The following LUZP2 variants were observed in gnomAD, a reference collection of about 807,000 sequenced individuals.
LUZP2 encodes leucine zipper protein 2.
In LUZP2, 52 loss-of-function variants were observed where a neutral mutation model predicts 51.6. The observed-to-expected ratio is 1.01, with a 90% confidence interval of 0.81 to 1.27. The LOEUF (loss-of-function observed/expected upper bound fraction) is 1.27. Ranked by LOEUF, LUZP2 falls within the 50% of genes most tolerant of loss-of-function variation. The probability of loss-of-function intolerance (pLI) is 0.00; values close to 1 mark genes in which losing one functional copy is unlikely to be tolerated. For missense variants in LUZP2, 436 were observed against 395.4 expected (o/e 1.10, Z -0.87); for synonymous variants, 154 against 137.3 (o/e 1.12, Z -0.85).
Position 24,597,266 on chromosome 11 carries a change from A to G in LUZP2, c.62+99961A>G, listed in dbSNP as rs192325538. Among the ~76,000 whole-genome samples the G allele has an allele frequency of 1.4e-3, 207 of 152,352 alleles. 1 individual carries two copies. In the Middle Eastern group the frequency reaches 0.02, roughly 15 times the overall value. ...CATTTGTCTTAACAGTTTATCCAGT[A>G]AACTGTTCATATGTGCATTTGACTT... On this transcript the variant is annotated intron_variant, in intron 1 of 11. Coordinates refer to ENST00000336930, the MANE Select transcript of LUZP2 (RefSeq NM_001009909.4).
intron 1 of LUZP2, among the ~76,000 whole-genome samples, chr11:24,541,407 A>C (rs888299589): frequency 6.6e-6 from 1 of 152,098 alleles, no homozygotes; most frequent in African/African-American, 2.4e-5. Context: ...TGTGTCCCTG[A>C]CAGTTAACTT....
chr11:24,879,822 C>G (rs547264315), intron 5 of LUZP2, among the ~76,000 whole-genome samples: 3 of 151,654 alleles, frequency 2.0e-5, no homozygotes, highest in South Asian at 4.2e-4. Flanking sequence ...GAGCTTGTAT[C>G]CAAATTGCAA....
intron 9 of LUZP2, among the ~76,000 whole-genome samples, chr11:25,038,307 C>G (rs1857928650): frequency 6.6e-6 from 1 of 152,082 alleles, no homozygotes; most frequent in Non-Finnish European, 1.5e-5. Flanking sequence ...ACTGTTAATA[C>G]TTACAGTTGT....
chr11:24,827,317 G>A (rs868513080), intron 5 of LUZP2, among the ~76,000 whole-genome samples: 17 of 152,176 alleles, frequency 1.1e-4, no homozygotes, highest in Middle Eastern at 3.4e-3. Flanking sequence ...TCAGGCCCAA[G>A]ATAACTTACA....
intron 7 of LUZP2, among the ~76,000 whole-genome samples, chr11:24,947,872 G>A (rs1480558620): frequency 2.0e-5 from 3 of 151,684 alleles, no homozygotes; most frequent in Non-Finnish European, 2.9e-5. Flanking sequence ...TTTTCCTCTC[G>A]CTGCTTTCTA....
At chr11:24,737,487 G>A (rs1171980310) in intron 3 of LUZP2, among the ~76,000 whole-genome samples, 1 of 148,348 alleles carries the variant, frequency 6.7e-6, no homozygotes, top group Admixed American at 6.9e-5. Flanking sequence ...ATCTATTTGA[G>A]GTGATAGCTC....
intron 7 of LUZP2, among the ~76,000 whole-genome samples, chr11:24,916,840 G>T (rs910976272): frequency 6.6e-5 from 10 of 152,096 alleles, no homozygotes; most frequent in African/African-American, 2.4e-4. Flanking sequence ...GATCCTTTGG[G>T]TATATACCCA....
At chr11:24,683,561 T>A (rs1478782970) in intron 1 of LUZP2, among the ~76,000 whole-genome samples, 3 of 152,222 alleles carry the variant, frequency 2.0e-5, no homozygotes, top group Non-Finnish European at 4.4e-5. Context: ...TCTTTTTACA[T>A]CAGTCTTCAA....
chr11:25,015,138 G>T (rs983617738), intron 9 of LUZP2, among the ~76,000 whole-genome samples: 1 of 152,048 alleles, frequency 6.6e-6, no homozygotes, highest in East Asian at 1.9e-4. Context: ...ATATTGAGTA[G>T]TTGCGATTTA....
intron 10 of LUZP2, among the ~76,000 whole-genome samples, chr11:25,074,328 A>C (rs1379712218): frequency 1.3e-5 from 2 of 152,156 alleles, no homozygotes; most frequent in Admixed American, 6.6e-5. Context: ...GAGACTCACT[A>C]ACAATTTTAT....
intron 1 of LUZP2, among the ~76,000 whole-genome samples, chr11:24,515,436 C>A (rs1850433483): frequency 6.6e-6 from 1 of 151,994 alleles, no homozygotes; most frequent in South Asian, 2.1e-4. Context: ...TTAATATTCA[C>A]AAAGAACTTG....
At chr11:24,744,318 T>A (rs1479504848) in intron 4 of LUZP2, among the ~76,000 whole-genome samples, 1 of 152,186 alleles carries the variant, frequency 6.6e-6, no homozygotes, top group East Asian at 1.9e-4. Flanking sequence ...CTGGTGGAAT[T>A]CTGCTGTGAA....
intron 1 of LUZP2, among the ~76,000 whole-genome samples, chr11:24,527,445 C>G (rs959017174): frequency 6.6e-6 from 1 of 151,180 alleles, no homozygotes; most frequent in Non-Finnish European, 1.5e-5. Flanking sequence ...CACTTTCTCT[C>G]TGACAAGTAG....
intron 9 of LUZP2, among the ~76,000 whole-genome samples, chr11:25,002,629 A>G (rs917578467): frequency 4.6e-5 from 7 of 152,184 alleles, no homozygotes; most frequent in Non-Finnish European, 8.8e-5. Flanking sequence ...CTACCTGCAA[A>G]CAGTGAGGCC....
intron 7 of LUZP2, among the ~76,000 whole-genome samples, chr11:24,971,231 G>A (rs1855728142): frequency 6.6e-6 from 1 of 152,006 alleles, no homozygotes; most frequent in South Asian, 2.1e-4. Context: ...GTCGGGGAGG[G>A]GTTTCATGAT....
At chr11:24,831,776 A>G (rs1170944461) in intron 5 of LUZP2, 1 of 152,592 alleles carries the variant, frequency 6.6e-6, no homozygotes, top group Non-Finnish European at 1.5e-5. Context: ...AATCTTTAAA[A>G]ACTTTGGAAA....
intron 6 of LUZP2, among the ~76,000 whole-genome samples, chr11:24,908,306 A>G (rs1853522652): frequency 6.6e-6 from 1 of 152,186 alleles, no homozygotes; most frequent in African/African-American, 2.4e-5. Flanking sequence ...CTATTTTATC[A>G]AAGAAATGCT....
chr11:24,975,915 A>G (rs570654069), intron 7 of LUZP2, among the ~76,000 whole-genome samples: 30 of 152,064 alleles, frequency 2.0e-4, no homozygotes, highest in African/African-American at 6.5e-4. Context: ...ATAACAAAAT[A>G]CCATCGACTA....
At chr11:24,627,786 A>G (rs1051629069) in intron 1 of LUZP2, among the ~76,000 whole-genome samples, 3 of 152,174 alleles carry the variant, frequency 2.0e-5, no homozygotes, top group Admixed American at 2.0e-4. Flanking sequence ...GTCATGCCAC[A>G]TATGACACCC....
Sources: allele counts gnomAD v4.1 joint callset (sites outside exome capture counted in the v4.1 genomes callset), GRCh38; gene constraint gnomAD v4.1.1; transcripts MANE v1.5; gene names NCBI Gene and HGNC (gene_info 2026-07-23, HGNC 2026-07-21).